The following HSPA4 variants were observed in gnomAD, a reference collection of about 807,000 sequenced individuals.
The protein encoded by HSPA4 is heat shock 70 kDa protein 4.
A neutral mutation model predicts 106.2 loss-of-function variants in HSPA4; 25 were observed. The observed-to-expected ratio is 0.24, with a 90% CI of 0.17 to 0.33. The LOEUF (loss-of-function observed/expected upper bound fraction) is 0.33, where lower values mean the gene tolerates loss of function less well. Among genes scored for constraint, HSPA4 ranks in the 10% least tolerant of loss-of-function variants. The pLI, the probability that HSPA4 is intolerant of heterozygous loss-of-function variation, is 1.00. For synonymous variants in HSPA4, 332 were observed against 333.6 expected (o/e 1.00, Z 0.05); for missense variants, 841 against 996.0 (o/e 0.84, Z 2.10).
At chr5:133,057,588 T>C (rs78832941) in intron 1 of HSPA4, among the ~76,000 whole-genome samples, 3 of 152,344 alleles carry the variant, frequency 2.0e-5, no homozygotes, top group Admixed American at 6.5e-5. Flanking sequence ...CAGCTGTTCA[T>C]AATATCCTCT....
At chr5:133,079,005 G>T (rs1309764492) in intron 7 of HSPA4, among the ~76,000 whole-genome samples, 2 of 152,088 alleles carry the variant, frequency 1.3e-5, no homozygotes, top group African/African-American at 4.8e-5. Context: ...AAGTACTGGG[G>T]TTACAGGCAC....
At chr5:133,054,514 A>G (rs749669767) in intron 1 of HSPA4, among the ~76,000 whole-genome samples, 19 of 152,140 alleles carry the variant, frequency 1.2e-4, no homozygotes, top group Non-Finnish European at 2.2e-4. Context: ...CAGCTTTATT[A>G]AGGTTTAATT....
intron 2 of HSPA4, among the ~76,000 whole-genome samples, 197 bp downstream of exon 2, chr5:133,065,234 C>T (rs968703324): frequency 3.3e-5 from 5 of 152,092 alleles, no homozygotes; most frequent in African/African-American, 1.2e-4. Flanking sequence ...ATTCAAACAA[C>T]TGTGGATCAA....
intron 17 of HSPA4, among the ~76,000 whole-genome samples, chr5:133,102,913 C>CTTTTTTTTTTTTTTTTTTTTTTTTT (rs533273263): frequency 2.9e-5 from 3 of 103,338 alleles, no homozygotes; most frequent in Non-Finnish European, 5.5e-5. Context: ...CTAGGGTTGT[C>CTTTTTTTTTTTTTTTTTTTTTTTTT]TTTTTTTTTT....
At chr5:133,103,022 T>C (rs758348294) in intron 17 of HSPA4, among the ~76,000 whole-genome samples, 1 of 150,804 alleles carries the variant, frequency 6.6e-6, no homozygotes, top group Non-Finnish European at 1.5e-5. Context: ...GCTAGGATTA[T>C]AGGCATTAGC....
chr5:133,102,913 C>CTTTTTTTT (rs533273263), intron 17 of HSPA4, among the ~76,000 whole-genome samples: 17,859 of 102,080 alleles, frequency 0.17, 2,377 homozygotes, highest in African/African-American at 0.21. Context: ...CTAGGGTTGT[C>CTTTTTTTT]TTTTTTTTTT....
chr5:133,093,614 C>T (rs1765676305), intron 13 of HSPA4, among the ~76,000 whole-genome samples: 1 of 152,086 alleles, frequency 6.6e-6, no homozygotes, highest in African/African-American at 2.4e-5. Flanking sequence ...CCTCAGCCTC[C>T]TGGGTAGCTG....
rs79735727 is a variant in HSPA4 at position 133,076,392 on chromosome 5, A to T, written c.664-262A>T. On this transcript the variant is annotated intron_variant, in intron 6 of 18. Transcript: ENST00000304858. Reference sequence around the variant, plus strand: ...TTAAGGAGATTTGGCTTTGAATTCCACTTCTACCACTTAGTAGCTTTGTGA... The same window carrying T: ...TTAAGGAGATTTGGCTTTGAATTCCTCTTCTACCACTTAGTAGCTTTGTGA... 3.9e-3 allele frequency among the ~76,000 whole-genome samples: 589 copies of T among 152,284 alleles called. 3 individuals are homozygous for T. The highest frequency in any genetic ancestry group is 0.013 in the African/African-American group (559 of 41,560).
Position 133,090,417 on chromosome 5 carries a change from C to T in HSPA4, c.1378+722C>T, listed in dbSNP as rs1161521325. 1.9e-4 allele frequency among the ~76,000 whole-genome samples: 21 copies of T among 109,556 alleles called. 2 individuals carry two copies. The highest frequency in any genetic ancestry group is 1.8e-4 in the Non-Finnish European group (11 of 60,332). 71.9% of individuals were successfully genotyped at this position (109,556 alleles called of 152,430 possible). ...CTGCACTCCAGCCTAGGCGACAGAGCGAGACTCTGTCTCAAAAAAAAAAAA... is the reference window on the plus strand; with the variant it reads ...CTGCACTCCAGCCTAGGCGACAGAGTGAGACTCTGTCTCAAAAAAAAAAAA... On this transcript the variant is annotated intron_variant, in intron 11 of 18. Transcript: ENST00000304858.
chr5:133,054,361 C>T (rs1462196181), intron 1 of HSPA4, among the ~76,000 whole-genome samples: 1 of 152,064 alleles, frequency 6.6e-6, no homozygotes, highest in Non-Finnish European at 1.5e-5. Context: ...CGCCACCACG[C>T]CTGGCTAATT....
chr5:133,055,820 G>T (rs1765153282), intron 1 of HSPA4, among the ~76,000 whole-genome samples: 1 of 152,208 alleles, frequency 6.6e-6, no homozygotes. Context: ...GCTCATGCCT[G>T]TAATCCCAGC....
chr5:133,054,619 A>G (rs1275898516), intron 1 of HSPA4, among the ~76,000 whole-genome samples: 1 of 152,116 alleles, frequency 6.6e-6, no homozygotes, highest in African/African-American at 2.4e-5. Context: ...GAACATTTTT[A>G]TCACTCCCCC....
chr5:133,079,670 A>G (rs535027001), intron 7 of HSPA4, among the ~76,000 whole-genome samples: 1 of 152,264 alleles, frequency 6.6e-6, no homozygotes, highest in East Asian at 1.9e-4. Context: ...CAGCAATTCT[A>G]TGTTTAACTT....
chr5:133,105,386 C>T lies in HSPA4; in HGVS notation c.*950C>T, dbSNP rs539684163. On this transcript the variant is annotated 3_prime_UTR_variant, in exon 19 of 19. Transcript: ENST00000304858. ...GTTAAGTGTTAATATCTGTCATGAA[C>T]CTGCCAATTTGTACGTGTTAAGCAG... The T allele has an allele frequency of 2.0e-5, 3 of 152,210 alleles. No homozygotes were observed. Among genetic ancestry groups the T allele is most frequent in the South Asian group, 2.1e-4 (1 of 4,822 alleles). 9.4% of individuals were successfully genotyped at this position (152,210 alleles called of 1,614,324 possible). A position where few individuals can be genotyped will look rare whatever the true frequency, so the allele number is the denominator to read the frequency against.
At chr5:133,071,605 C>A (rs6596101) in intron 4 of HSPA4, among the ~76,000 whole-genome samples, 1 of 152,114 alleles carries the variant, frequency 6.6e-6, no homozygotes, top group Non-Finnish European at 1.5e-5. Context: ...GCTTTGCCAC[C>A]GAATCTCCTC....
At position 133,105,090 on chromosome 5, in the gene HSPA4, C is replaced by G. The variant is rs1765840666; in HGVS notation, c.*654C>G. 1 of 152,206 alleles carries G rather than the reference C, an allele frequency of 6.6e-6. No homozygotes were observed. The highest frequency in any genetic ancestry group is 1.5e-5 in the Non-Finnish European group (1 of 68,062). 9.4% of individuals were successfully genotyped at this position (152,206 alleles called of 1,614,324 possible). A position where few individuals can be genotyped will look rare whatever the true frequency, so the allele number is the denominator to read the frequency against. On this transcript the variant is annotated 3_prime_UTR_variant, in exon 19 of 19. Transcript: ENST00000304858. The stretch of plus-strand genomic sequence containing the variant: ...TAAGTTGTTAACTGAGGGCTTTAAA[C>G]CTGGAGGCTCTTCCTGAAAGTATGT...
chr5:133,089,032 A>C, intron 9 of HSPA4, 23 bp from the exon 10 acceptor site: 3 of 1,412,794 alleles, frequency 2.1e-6, no homozygotes, highest in Non-Finnish European at 3.0e-6. Flanking sequence ...GTTAAACGGA[A>C]TTTTTGAAAA....
Position 133,096,119 on chromosome 5 carries a change from G to A in HSPA4, c.1672G>A (p.Asp558Asn). 6.2e-7 allele frequency: 1 copy of A among 1,613,806 alleles called. No homozygotes were observed. The highest frequency in any genetic ancestry group is 8.5e-7 in the Non-Finnish European group (1 of 1,179,832). Reference sequence around the variant, plus strand: ...TTAGACCTCTCAAGCTGGATCCAAGGATAAAAAGATGGACCAACCACCCCA... The same window carrying A: ...TTAGACCTCTCAAGCTGGATCCAAGAATAAAAAGATGGACCAACCACCCCA... ...EMETSQAGSK[D>N]KKMDQPPQAK... Residue 558 changes from aspartate to asparagine, a missense_variant, in exon 14 of 19, where the codon GAT becomes AAT. Physicochemically the swap from Asp to Asn is conservative, Grantham distance 23. Coordinates refer to ENST00000304858, the MANE Select transcript of HSPA4 (RefSeq NM_002154.4).
intron 7 of HSPA4, among the ~76,000 whole-genome samples, chr5:133,084,988 T>G (rs953574270): frequency 7.2e-5 from 11 of 152,052 alleles, no homozygotes; most frequent in African/African-American, 2.4e-4. Context: ...CTTGTATGTT[T>G]TGTAGAGATG....
Sources: gnomAD v4.1 joint callset for allele counts (sites outside exome capture counted in the v4.1 genomes callset) on GRCh38, gnomAD v4.1.1 for gene constraint, MANE v1.5 for transcripts, NCBI Gene and HGNC (gene_info 2026-07-23, HGNC 2026-07-21) for gene names.